The following LAMA1 variants were observed in gnomAD, a reference collection of about 807,000 sequenced individuals.
The protein encoded by LAMA1 is laminin subunit alpha 1.
In LAMA1, 219 loss-of-function variants were observed where a neutral mutation model predicts 348.7. The ratio of observed to expected loss-of-function variants is 0.63; its 90% CI spans 0.56 to 0.70. The LOEUF (loss-of-function observed/expected upper bound fraction) is 0.70. Ranked by LOEUF, LAMA1 falls within the 30% of genes least tolerant of loss-of-function variation. LAMA1 has a pLI of 0.00. For synonymous variants in LAMA1, 1,487 were observed against 1,491.0 expected (o/e 1.00, Z 0.06); for missense variants, 3,744 against 3,888.0 (o/e 0.96, Z 0.99).
intron 53 of LAMA1, 103 bp downstream of exon 53, chr18:6,961,483 G>C: frequency 7.2e-7 from 1 of 1,382,668 alleles, no homozygotes; most frequent in Non-Finnish European, 1.0e-6. Flanking sequence ...TAAACAACCA[G>C]GAACACGGTG....
At chr18:7,077,019 A>C (rs1219562433) in intron 3 of LAMA1, 1 of 152,154 alleles carries the variant, frequency 6.6e-6, no homozygotes, top group Non-Finnish European at 1.5e-5. Context: ...AGATATAAGC[A>C]TAATGTGCTT....
intron 57 of LAMA1, among the ~76,000 whole-genome samples, chr18:6,952,618 C>T (rs2057552030): frequency 6.6e-6 from 1 of 152,188 alleles, no homozygotes; most frequent in Admixed American, 6.5e-5. Flanking sequence ...TCTGAAAATA[C>T]TAAATGGGAA....
rs991128666 is a variant in LAMA1 at position 7,117,795 on chromosome 18, T to G, written c.-75A>C. On this transcript the variant is annotated 5_prime_UTR_variant, in exon 1 of 63. Coordinates refer to ENST00000389658, the MANE Select transcript of LAMA1 (RefSeq NM_005559.4). ...CCTGGAACGCTCCACGGGACGCGAG[T>G]CCGCGCTGCCCTGGCCCCGCCGCTC... The G allele has an allele frequency of 8.1e-6, 11 of 1,361,064 alleles. No individual in the cohort carries two copies. The African/African-American group carries it at 1.2e-4, about 15-fold the overall frequency. The allele number at this position is 1,361,064 out of a possible 1,614,324, so 84.3% of individuals were successfully genotyped here.
intron 58 of LAMA1, among the ~76,000 whole-genome samples, chr18:6,950,431 C>T (rs1313084670): frequency 6.6e-6 from 1 of 152,210 alleles, no homozygotes; most frequent in African/African-American, 2.4e-5. Flanking sequence ...AAGCGTGCTG[C>T]ACACCAGAAA....
At position 7,034,744 on chromosome 18, in the gene LAMA1, T is replaced by TA; in HGVS notation, c.1840-55dup. On this transcript the variant is annotated intron_variant, in intron 13 of 62. Transcript: ENST00000389658. ...TTTGTCATTCAATTTAATGATAAAA[T>TA]AAAAATAAAATCAAATTTTGTATTC... 2.0e-6 allele frequency: 3 copies of TA among 1,526,786 alleles called. No homozygotes were observed. In the Admixed American group the frequency reaches 5.2e-5, roughly 26 times the overall value. 94.6% of individuals were successfully genotyped at this position (1,526,786 alleles called of 1,614,324 possible).
rs542847130 is a variant in LAMA1 at position 7,010,285 on chromosome 18, C to T, written c.3788G>A (p.Gly1263Asp). 6.2e-7 allele frequency: 1 copy of T among 1,614,180 alleles called. No individual in the cohort carries two copies. Among genetic ancestry groups the T allele is most frequent in the African/African-American group, 1.3e-5 (1 of 75,030 alleles). The change falls in exon 26 of 63, where the codon GGT becomes GAT. Residue 1263 changes from glycine to aspartate, a missense_variant. Gly to Asp is a moderately conservative substitution (Grantham distance 94). This residue lies in a region of LAMA1 where 1,529 missense variants were observed against 1,689.4 expected (regional missense o/e 0.91). Transcript: ENST00000389658. ...GTAAATGACTTGCTTTCTGATCCGACCACCTTTGATGAGAACTTGAGGCTC... is the reference window on the plus strand; with the variant it reads ...GTAAATGACTTGCTTTCTGATCCGATCACCTTTGATGAGAACTTGAGGCTC... ...NFEPQVLIKGGRIRKQVIYMD... is the reference protein window; with the variant it reads ...NFEPQVLIKGDRIRKQVIYMD...
In LAMA1 at chr18:7,043,287, CA is replaced by C; in HGVS notation, c.1094del (p.Leu365CysfsTer128). The C allele has an allele frequency of 6.2e-7, 1 of 1,614,096 alleles. No homozygotes were observed. The highest frequency in any genetic ancestry group is 8.5e-7 in the Non-Finnish European group (1 of 1,180,010). On this transcript the variant is annotated frameshift_variant, in exon 8 of 63. Coordinates refer to ENST00000389658, the MANE Select transcript of LAMA1 (RefSeq NM_005559.4). LOFTEE classifies it high-confidence loss of function. ...CACAGTTGATTCCCATGGTGTTCTGCAAGCAATTTATGCAAACCCCTCCTCC... is the reference window on the plus strand; with the variant it reads ...CACAGTTGATTCCCATGGTGTTCTGCAGCAATTTATGCAAACCCCTCCTCC... Reference protein sequence around the residue: ...FRGGGVCINCLQNTMGINCET... With the variant: ...FRGGGVCINCXQNTMGINCET...
chr18:7,053,503 T>C (rs956295308), intron 3 of LAMA1, among the ~76,000 whole-genome samples: 1 of 151,956 alleles, frequency 6.6e-6, no homozygotes, highest in Non-Finnish European at 1.5e-5. Context: ...GTTCCAAAAA[T>C]GTCTATTAAT....
At position 6,947,286 on chromosome 18, in the gene LAMA1, G is replaced by T; in HGVS notation, c.8721C>A (p.Gly2907=). ...GSGYAALVKE[G]YKVQSDVNIT... ...TGTTCACATCTGACTGGACTTTGTA[G>T]CCCTCTTTGACTGTAACACACAAGG... is the stretch of plus-strand genomic sequence containing the variant. Residue 2907 remains glycine, a synonymous_variant, in exon 61 of 63, where the codon GGC becomes GGA. Transcript: ENST00000389658. The T allele has an allele frequency of 1.2e-6, 2 of 1,613,714 alleles. No individual in the cohort carries two copies. Among genetic ancestry groups the T allele is most frequent in the Non-Finnish European group, 1.7e-6 (2 of 1,180,030 alleles).
At chr18:6,957,137 T>C (rs2057582987) in intron 55 of LAMA1, 3 of 318,272 alleles carry the variant, frequency 9.4e-6, no homozygotes, top group Admixed American at 4.3e-5. Context: ...CACGAAACAC[T>C]GATTTCTTGT....
At chr18:7,062,545 T>C (rs925284124) in intron 3 of LAMA1, among the ~76,000 whole-genome samples, 1 of 152,076 alleles carries the variant, frequency 6.6e-6, no homozygotes, top group Non-Finnish European at 1.5e-5. Context: ...GGTCACAGGA[T>C]TGGATGTTGG....
intron 16 of LAMA1, among the ~76,000 whole-genome samples, chr18:7,026,389 C>T (rs1456319626): frequency 2.6e-5 from 4 of 152,190 alleles, no homozygotes; most frequent in Admixed American, 6.5e-5. Flanking sequence ...AGTGCTGCTT[C>T]GGCCAGAACC....
chr18:7,109,443 A>G (rs943018581), intron 1 of LAMA1, among the ~76,000 whole-genome samples: 1 of 152,234 alleles, frequency 6.6e-6, no homozygotes, highest in African/African-American at 2.4e-5. Flanking sequence ...CCGGATGGCA[A>G]CTTTGGCTGG....
chr18:6,955,393 G>A lies in LAMA1; in HGVS notation c.8167C>T (p.His2723Tyr). The A allele has an allele frequency of 6.2e-7, 1 of 1,613,998 alleles. No homozygotes were observed. The highest frequency in any genetic ancestry group is 2.2e-5 in the East Asian group (1 of 44,892). ...GACTGATTAAAAGGCAAGATGAAAT[G>A]GCTGTTTTGTGTGAGACCAAACTGG... ...AHQFGLTQNS[H>Y]FILPFNQSAV... The change falls in exon 57 of 63, where the codon CAT (histidine) becomes TAT (tyrosine). Residue 2723 changes from histidine to tyrosine, a missense_variant. His to Tyr is a moderately conservative substitution (Grantham distance 83). This residue lies in a region of LAMA1 where 1,983 missense variants were observed against 1,934.3 expected (regional missense o/e 1.03). Coordinates refer to ENST00000389658, the MANE Select transcript of LAMA1 (RefSeq NM_005559.4).
chr18:6,950,642 T>C (rs918244880), intron 58 of LAMA1, 140 bp downstream of exon 58: 25 of 958,482 alleles, frequency 2.6e-5, no homozygotes, highest in Non-Finnish European at 3.9e-5. Context: ...TCAAGACTTG[T>C]AGTCTCTGGG....
intron 3 of LAMA1, among the ~76,000 whole-genome samples, chr18:7,077,427 G>A (rs139968973): frequency 4.0e-5 from 6 of 151,836 alleles, no homozygotes; most frequent in South Asian, 2.1e-4. Context: ...GGATGGTCTC[G>A]ATCTCCTGAC....
Position 7,040,057 on chromosome 18 carries a change from C to T in LAMA1, c.1422+19G>A, listed in dbSNP as rs374613501. 6 of 1,613,404 alleles carry T rather than the reference C, an allele frequency of 3.7e-6. No individual in the cohort carries two copies. Among genetic ancestry groups the T allele is most frequent in the Non-Finnish European group, 5.1e-6 (6 of 1,179,946 alleles). On this transcript the variant is annotated intron_variant, in intron 10 of 62. Coordinates refer to ENST00000389658, the MANE Select transcript of LAMA1 (RefSeq NM_005559.4). The stretch of plus-strand genomic sequence containing the variant: ...AAGCTCAAAGGAAGCTCAGGGGTGT[C>T]TCTGACCTCCCCACTTACCTTACAA...
chr18:7,040,855 C>G (rs2058017461), intron 9 of LAMA1, among the ~76,000 whole-genome samples: 1 of 152,110 alleles, frequency 6.6e-6, no homozygotes, highest in African/African-American at 2.4e-5. Flanking sequence ...CACGGATGAC[C>G]TTGAAAACAT....
chr18:6,982,499 G>T lies in LAMA1; in HGVS notation c.5888C>A (p.Pro1963Gln). ...KEGNNLSRKL[P>Q]GIALELSELR... The stretch of plus-strand genomic sequence containing the variant: ...CACCGTCCGAGCCACATACTGACCT[G>T]GAAGCTTCCTGCTGAGGTTGTTGCC... Residue 1963 changes from proline (P) to glutamine (Q), a missense_variant and splice_region_variant, in exon 41 of 63, where the codon CCA becomes CAA. Coordinates refer to ENST00000389658, the MANE Select transcript of LAMA1 (RefSeq NM_005559.4). 2 of 1,614,022 alleles carry T rather than the reference G, an allele frequency of 1.2e-6. No individual in the cohort carries two copies. The highest frequency in any genetic ancestry group is 1.7e-6 in the Non-Finnish European group (2 of 1,179,872).
Sources: allele counts gnomAD v4.1 joint callset (sites outside exome capture counted in the v4.1 genomes callset), GRCh38; gene constraint gnomAD v4.1.1; regional missense constraint gnomAD v4.1.1; transcripts MANE v1.5; gene names NCBI Gene and HGNC (gene_info 2026-07-23, HGNC 2026-07-21).